The following ZNF66 variants were observed in gnomAD, a reference collection of about 807,000 sequenced individuals.
The protein encoded by ZNF66 is zinc finger protein 66.
A neutral mutation model predicts 35.2 loss-of-function variants in ZNF66; 32 were observed. The ratio of observed to expected loss-of-function variants is 0.91; its 90% CI spans 0.69 to 1.22. ZNF66 has a LOEUF of 1.22. ZNF66 is among the 50% of genes most tolerant of loss of function. The pLI is 0.00. For missense variants in ZNF66, 666 were observed against 543.1 expected (o/e 1.23, Z -2.25); for synonymous variants, 231 against 181.3 (o/e 1.27, Z -2.20).
chr19:20,776,398 G>T lies in ZNF66; in HGVS notation c.-50G>T, dbSNP rs141189865. On this transcript the variant is annotated 5_prime_UTR_variant, in exon 1 of 4. Coordinates refer to ENST00000344519, the MANE Select transcript of ZNF66 (RefSeq NM_001355197.2). ...GCCTCTGTGGCCCTGTGTCCTGCAG[G>T]TATTGGGAGATCCACAGCTAAGACG... 2.6e-6 allele frequency: 4 copies of T among 1,550,454 alleles called. No homozygotes were observed. Among genetic ancestry groups the T allele is most frequent in the Admixed American group, 1.7e-5 (1 of 59,638 alleles).
At chr19:20,783,610 T>G (rs183364068) in intron 1 of ZNF66, among the ~76,000 whole-genome samples, 64 of 152,316 alleles carry the variant, frequency 4.2e-4, no homozygotes, top group Admixed American at 8.5e-4. Flanking sequence ...AAGATAAAAT[T>G]AAATTTAGCA....
intron 1 of ZNF66, among the ~76,000 whole-genome samples, chr19:20,788,897 A>G (rs2144898613): frequency 6.6e-6 from 1 of 152,064 alleles, no homozygotes. Flanking sequence ...CTAATAATAC[A>G]AAAATTAGCT....
rs528426935 is a variant in ZNF66 at position 20,785,184 on chromosome 19, T to A, written c.4-7328T>A. 1.6e-4 allele frequency: 25 copies of A among 152,332 alleles called. No individual in the cohort carries two copies. The East Asian group carries it at 4.1e-3, about 25-fold the overall frequency. The allele number at this position is 152,332 out of a possible 1,614,324, so 9.4% of individuals were successfully genotyped here. ...CTGTTGTGACATTAGAGTGTTGCTG[T>A]GGCAAATGTAGTTCACATAAAATGT... On this transcript the variant is annotated intron_variant, in intron 1 of 3. Transcript: ENST00000344519.
intron 1 of ZNF66, among the ~76,000 whole-genome samples, chr19:20,788,316 C>CAT (rs56867502): frequency 0.094 from 14,270 of 152,206 alleles, 680 homozygotes; most frequent in Middle Eastern, 0.11. Flanking sequence ...ACAATAAACA[C>CAT]GTGTCCAAAA....
At position 20,807,582 on chromosome 19, in the gene ZNF66, C is replaced by CT. The variant is rs4026921; in HGVS notation, c.*275dup. Among the ~76,000 whole-genome samples, 369 of 142,968 alleles carry CT rather than the reference C, an allele frequency of 2.6e-3. 1 individual carries two copies. The highest frequency in any genetic ancestry group is 6.7e-3 in the South Asian group (30 of 4,458). 93.8% of individuals were successfully genotyped at this position (142,968 alleles called of 152,430 possible). On this transcript the variant is annotated 3_prime_UTR_variant, in exon 4 of 4. Transcript: ENST00000344519. ...AGCCTATAACAATTTTCAATCAATT[C>CT]TTTTTTTTTTTTTTTGAGATGAAGT...
intron 1 of ZNF66, among the ~76,000 whole-genome samples, chr19:20,777,446 G>A (rs991698541): frequency 3.0e-5 from 4 of 131,426 alleles, no homozygotes; most frequent in African/African-American, 1.1e-4. Flanking sequence ...ATGCACTTGA[G>A]CTTAGATTTT....
chr19:20,797,086 G>A (rs1037673174), intron 3 of ZNF66, among the ~76,000 whole-genome samples: 18 of 151,510 alleles, frequency 1.2e-4, no homozygotes, highest in Admixed American at 5.9e-4. Context: ...TATGACCTCA[G>A]GTGAGCTGCT....
intron 1 of ZNF66, among the ~76,000 whole-genome samples, chr19:20,778,155 C>T (rs2144888244): frequency 1.3e-5 from 2 of 152,240 alleles, no homozygotes; most frequent in Admixed American, 1.3e-4. Context: ...GGTTGGAGTG[C>T]AGTGGCGTGA....
intron 1 of ZNF66, among the ~76,000 whole-genome samples, chr19:20,791,293 T>G (rs1197244237): frequency 6.6e-6 from 1 of 152,068 alleles, no homozygotes; most frequent in Non-Finnish European, 1.5e-5. Flanking sequence ...GAGACCAACC[T>G]GGCCAACATG....
At chr19:20,804,014 T>G (rs1051608506) in intron 3 of ZNF66, among the ~76,000 whole-genome samples, 1 of 152,122 alleles carries the variant, frequency 6.6e-6, no homozygotes, top group Non-Finnish European at 1.5e-5. Context: ...CCCAAAATTC[T>G]CTTATCTGTG....
At chr19:20,787,734 C>T (rs1042026672) in intron 1 of ZNF66, among the ~76,000 whole-genome samples, 3 of 152,186 alleles carry the variant, frequency 2.0e-5, no homozygotes, top group Admixed American at 2.0e-4. Context: ...CACAAAGTAT[C>T]CAGAGCCATG....
At chr19:20,787,325 T>A (rs73007886) in intron 1 of ZNF66, among the ~76,000 whole-genome samples, 12,029 of 152,174 alleles carry the variant, frequency 0.079, 513 homozygotes, top group Middle Eastern at 0.11. Flanking sequence ...CAGCCTTTTT[T>A]AATATATATA....
intron 1 of ZNF66, among the ~76,000 whole-genome samples, chr19:20,791,078 A>G (rs1971332689): frequency 6.6e-6 from 1 of 152,196 alleles, no homozygotes; most frequent in Non-Finnish European, 1.5e-5. Flanking sequence ...AAAGATGTGG[A>G]TACTCAAGAT....
chr19:20,776,376 T>A lies in ZNF66; in HGVS notation c.-72T>A, dbSNP rs533538118. ...GTCTTCTTCTCCTAGAGGCCCAGCC[T>A]CTGTGGCCCTGTGTCCTGCAGGTAT... On this transcript the variant is annotated 5_prime_UTR_variant, in exon 1 of 4. Coordinates refer to ENST00000344519, the MANE Select transcript of ZNF66 (RefSeq NM_001355197.2). 1 of 1,522,114 alleles carries A rather than the reference T, an allele frequency of 6.6e-7. No individual in the cohort carries two copies. Among genetic ancestry groups the A allele is most frequent in the Non-Finnish European group, 9.1e-7 (1 of 1,098,538 alleles). The allele number at this position is 1,522,114 out of a possible 1,614,324, so 94.3% of individuals were successfully genotyped here. A position where few individuals can be genotyped will look rare whatever the true frequency, so the allele number is the denominator to read the frequency against.
In ZNF66 at chr19:20,808,093, G is replaced by C. The variant is rs1413411161; in HGVS notation, c.*771G>C. 6.7e-6 allele frequency among the ~76,000 whole-genome samples: 1 copy of C among 148,516 alleles called. No individual in the cohort carries two copies. Among genetic ancestry groups the C allele is most frequent in the Non-Finnish European group, 1.5e-5 (1 of 67,154 alleles). ...TGGCTCAGAGGGTCCTATGCCCATG[G>C]AGTCTCACTGATTGCTAGCACAGCA... is the stretch of plus-strand genomic sequence containing the variant. On this transcript the variant is annotated 3_prime_UTR_variant, in exon 4 of 4. Transcript: ENST00000344519.
At chr19:20,803,279 T>C (rs1414262173) in intron 3 of ZNF66, among the ~76,000 whole-genome samples, 1 of 151,328 alleles carries the variant, frequency 6.6e-6, no homozygotes, top group African/African-American at 2.4e-5. Flanking sequence ...TATTTTATTC[T>C]TGTGTCTTTG....
At chr19:20,792,372 T>C (rs1971345939) in intron 1 of ZNF66, 140 bp from the exon 2 acceptor site, 1 of 760,048 alleles carries the variant, frequency 1.3e-6, no homozygotes, top group African/African-American at 1.8e-5. Flanking sequence ...ATTTCTGTGT[T>C]GAAAATTATT....
At chr19:20,796,605 G>A (rs1459035235) in intron 3 of ZNF66, among the ~76,000 whole-genome samples, 1 of 151,970 alleles carries the variant, frequency 6.6e-6, no homozygotes, top group Admixed American at 6.6e-5. Context: ...ACAATGTAAG[G>A]CTACTCTTTG....
In ZNF66 at chr19:20,809,991, C is replaced by A. The variant is rs775687791; in HGVS notation, c.*2669C>A. On this transcript the variant is annotated 3_prime_UTR_variant, in exon 4 of 4. Coordinates refer to ENST00000344519, the MANE Select transcript of ZNF66 (RefSeq NM_001355197.2). Reference sequence around the variant, plus strand: ...AAATAAAAGGATGGAGGAAGATCTACGAAGCAAATGGAAAACAAACAAAAA... The same window carrying A: ...AAATAAAAGGATGGAGGAAGATCTAAGAAGCAAATGGAAAACAAACAAAAA... 1.3e-5 allele frequency among the ~76,000 whole-genome samples: 2 copies of A among 152,104 alleles called. No individual in the cohort carries two copies. The highest frequency in any genetic ancestry group is 1.5e-5 in the Non-Finnish European group (1 of 68,014).
Sources: allele counts gnomAD v4.1 joint callset (sites outside exome capture counted in the v4.1 genomes callset), GRCh38; gene constraint gnomAD v4.1.1; transcripts MANE v1.5; gene names NCBI Gene and HGNC (gene_info 2026-07-23, HGNC 2026-07-21).